The following DLGAP2 variants were observed in gnomAD, a reference collection of about 807,000 sequenced individuals.
DLGAP2 encodes disks large-associated protein 2.
In DLGAP2, 26 loss-of-function variants were observed where a neutral mutation model predicts 100.3. The observed-to-expected ratio is 0.26, with a 90% CI of 0.19 to 0.36. DLGAP2 has a LOEUF of 0.36. Among genes scored for constraint, DLGAP2 ranks in the 10% least tolerant of loss-of-function variants. The pLI is 1.00. For missense variants in DLGAP2, 1,858 were observed against 1,453.2 expected (o/e 1.28, Z -4.53); for synonymous variants, 886 against 630.1 (o/e 1.41, Z -6.08).
chr8:1,281,067 C>T (rs1001890507), intron 3 of DLGAP2, among the ~76,000 whole-genome samples: 1 of 152,334 alleles, frequency 6.6e-6, no homozygotes, highest in South Asian at 2.1e-4. Flanking sequence ...TAGTGCCCAG[C>T]TCAGAGAATG....
At chr8:1,241,552 G>A (rs1798797023) in intron 2 of DLGAP2, among the ~76,000 whole-genome samples, 1 of 152,174 alleles carries the variant, frequency 6.6e-6, no homozygotes, top group African/African-American at 2.4e-5. Context: ...GTTTCCCATG[G>A]GGGCCTTTGA....
At chr8:1,668,090 C>A (rs1377493797) in intron 8 of DLGAP2, among the ~76,000 whole-genome samples, 1 of 152,230 alleles carries the variant, frequency 6.6e-6, no homozygotes, top group Non-Finnish European at 1.5e-5. Flanking sequence ...TGCAGGGACG[C>A]ACCTTGCTTA....
intron 2 of DLGAP2, among the ~76,000 whole-genome samples, chr8:1,249,272 C>G (rs888011483): frequency 6.6e-6 from 1 of 152,162 alleles, no homozygotes; most frequent in Non-Finnish European, 1.5e-5. Flanking sequence ...AAATGGGCCA[C>G]TGGGCCTCTC....
At chr8:1,678,759 T>C in intron 12 of DLGAP2, 130 bp downstream of exon 12, 1 of 991,236 alleles carries the variant, frequency 1.0e-6, no homozygotes, top group Non-Finnish European at 1.4e-6. Context: ...ATGTGCTTTC[T>C]AGTATATCCC....
rs189597730 is a variant in DLGAP2, at chr8:1,614,479, C to A, written c.1443-12261C>A. On this transcript the variant is annotated intron_variant, in intron 6 of 14. Transcript: ENST00000637795. ...TGGAGGTGGCCTCTGCCGCAGCTGC[C>A]ATTGACGGCTTGGACCCCGCTTTGT... Among the ~76,000 whole-genome samples, 13 of 152,324 alleles carry A rather than the reference C, an allele frequency of 8.5e-5. No individual in the cohort carries two copies. In the East Asian group the frequency reaches 2.1e-3, roughly 25 times the overall value.
intron 2 of DLGAP2, among the ~76,000 whole-genome samples, chr8:1,112,378 C>A (rs1011847775): frequency 6.6e-6 from 1 of 151,800 alleles, no homozygotes; most frequent in Non-Finnish European, 1.5e-5. Context: ...TTAGCTGGGA[C>A]TACAGGCATC....
chr8:1,437,323 G>T (rs1342057425), intron 3 of DLGAP2, among the ~76,000 whole-genome samples: 1 of 152,222 alleles, frequency 6.6e-6, no homozygotes, highest in Non-Finnish European at 1.5e-5. Context: ...GTATCAGTGC[G>T]CTCCACAATG....
rs190186253 is a variant in DLGAP2 at position 1,684,710 on chromosome 8, A to G, written c.2704+6081A>G. ...AAAAGTACTTTCAAGATATTAAATC[A>G]TTAGTAATGTTTTAAGATTTTTGTA... On this transcript the variant is annotated intron_variant, in intron 12 of 14. Coordinates refer to ENST00000637795, the MANE Select transcript of DLGAP2 (RefSeq NM_001346810.2). 2.7e-5 allele frequency among the ~76,000 whole-genome samples: 4 copies of G among 148,346 alleles called. No individual in the cohort carries two copies. In the East Asian group the frequency reaches 8.3e-4, roughly 31 times the overall value.
chr8:748,964 TA>T (rs1820721051), intron 1 of DLGAP2, among the ~76,000 whole-genome samples: 1 of 152,248 alleles, frequency 6.6e-6, no homozygotes, highest in Non-Finnish European at 1.5e-5. Context: ...TCTGGTGGTA[TA>T]ACGGGAGGTG....
intron 3 of DLGAP2, among the ~76,000 whole-genome samples, chr8:1,419,005 G>T (rs1458886467): frequency 6.6e-6 from 1 of 152,248 alleles, no homozygotes; most frequent in African/African-American, 2.4e-5. Flanking sequence ...CCGAACGAAG[G>T]GGCACATGGG....
At chr8:848,263 A>G (rs1797107942) in intron 1 of DLGAP2, among the ~76,000 whole-genome samples, 1 of 151,886 alleles carries the variant, frequency 6.6e-6, no homozygotes, top group South Asian at 2.1e-4. Context: ...GTATTCCAGT[A>G]TAGGATCGTG....
intron 8 of DLGAP2, among the ~76,000 whole-genome samples, chr8:1,634,610 G>T (rs1797726088): frequency 6.6e-6 from 1 of 152,176 alleles, no homozygotes; most frequent in African/African-American, 2.4e-5. Flanking sequence ...GATTTACAAT[G>T]ATTGCATTGA....
chr8:1,502,878 G>C (rs1799770935), intron 4 of DLGAP2, among the ~76,000 whole-genome samples: 1 of 152,194 alleles, frequency 6.6e-6, no homozygotes, highest in Non-Finnish European at 1.5e-5. Context: ...CTCTGGGGCA[G>C]CAGGAGGTAC....
At chr8:1,361,953 C>A (rs1801991932) in intron 3 of DLGAP2, among the ~76,000 whole-genome samples, 1 of 152,186 alleles carries the variant, frequency 6.6e-6, no homozygotes, top group Non-Finnish European at 1.5e-5. Flanking sequence ...GAGGTGGACA[C>A]CTCCTGGCTG....
chr8:1,408,136 C>G (rs553253982), intron 3 of DLGAP2, among the ~76,000 whole-genome samples: 2 of 152,362 alleles, frequency 1.3e-5, no homozygotes, highest in Admixed American at 1.3e-4. Context: ...AGCCTGGTCT[C>G]TGGCTCACTC....
At chr8:1,114,331 C>CT (rs1324214073) in intron 2 of DLGAP2, among the ~76,000 whole-genome samples, 2 of 151,632 alleles carry the variant, frequency 1.3e-5, no homozygotes, top group East Asian at 1.9e-4. Flanking sequence ...CTGTCCTGGG[C>CT]TTTTTTTTGG....
At chr8:1,644,105 TCGACCCCGCCGGCCCTCACCTGTGTCA>T (rs1797981900) in intron 8 of DLGAP2, among the ~76,000 whole-genome samples, 1 of 135,730 alleles carries the variant, frequency 7.4e-6, no homozygotes, top group African/African-American at 3.0e-5. Context: ...TGTGTCACCC[TCGACCCCGCCGGCCCTCACCTGTGTCA>T]CCCCTCGGGG....
intron 3 of DLGAP2, among the ~76,000 whole-genome samples, chr8:1,273,781 A>C (rs1387818683): frequency 6.6e-6 from 1 of 152,246 alleles, no homozygotes; most frequent in African/African-American, 2.4e-5. Flanking sequence ...TTGTTGTAGA[A>C]TTCCCAGGGA....
chr8:999,977 G>C (rs894202899), intron 2 of DLGAP2, among the ~76,000 whole-genome samples: 6 of 146,386 alleles, frequency 4.1e-5, no homozygotes, highest in East Asian at 2.0e-4. Context: ...TCCGGGTGGA[G>C]GTGGTTTTCT....
Sources: gnomAD v4.1 joint callset for allele counts (sites outside exome capture counted in the v4.1 genomes callset) on GRCh38, gnomAD v4.1.1 for gene constraint, MANE v1.5 for transcripts, NCBI Gene and HGNC (gene_info 2026-07-23, HGNC 2026-07-21) for gene names.